The following ERFL variants were observed in gnomAD, a reference collection of about 807,000 sequenced individuals.
ERFL encodes the protein ETS domain-containing transcription factor ERF-like.
In ERFL, 8 loss-of-function variants were observed where a neutral mutation model predicts 27.9. That is an observed-to-expected ratio of 0.29 (90% CI 0.17 to 0.52). ERFL has a LOEUF of 0.52. ERFL is among the 20% of genes least tolerant of loss of function. The pLI, the probability that ERFL is intolerant of heterozygous loss-of-function variation, is 0.97. For synonymous variants in ERFL, 174 were observed against 202.8 expected, an observed-to-expected ratio of 0.86 and a Z score of 1.21; for missense variants, 294 against 444.4, an observed-to-expected ratio of 0.66 and a Z score of 3.04.
rs575897184 is a variant in ERFL at position 41,907,728 on chromosome 19, T to C, written c.*500A>G. ...GTCTCACTCTCTGTTCTTTTATTTC[T>C]GTAGTAAACTCTCTGGAGGTGACTG... On this transcript the variant is annotated 3_prime_UTR_variant, in exon 6 of 6. Coordinates refer to ENST00000597630, the MANE Select transcript of ERFL (RefSeq NM_001365103.2). 1.3e-5 allele frequency: 3 copies of C among 236,998 alleles called. No individual in the cohort carries two copies. The highest frequency in any genetic ancestry group is 2.4e-5 in the Non-Finnish European group (3 of 122,892). 14.7% of individuals were successfully genotyped at this position (236,998 alleles called of 1,614,324 possible).
intron 1 of ERFL, among the ~76,000 whole-genome samples, chr19:41,919,495 G>A (rs904514723): frequency 3.4e-5 from 5 of 147,488 alleles, no homozygotes; most frequent in Admixed American, 1.3e-4. Context: ...TACCACCCAC[G>A]TGTGCACGTG....
rs1568831580 is a variant in ERFL at position 41,914,574 on chromosome 19, C to CCCTCCCCTTCCACCATCTCT, written c.-13-1643_-13-1642insAGAGATGGTGGAAGGGGAGG. The stretch of plus-strand genomic sequence containing the variant: ...CCTCCCCTTCCACCATCTCTGTCTC[C>CCCTCCCCTTCCACCATCTCT]GTCTCTCCCTCCCTTTCCACCATCT... On this transcript the variant is annotated intron_variant, in intron 1 of 5. Coordinates refer to ENST00000597630, the MANE Select transcript of ERFL (RefSeq NM_001365103.2). Among the ~76,000 whole-genome samples the CCCTCCCCTTCCACCATCTCT allele has an allele frequency of 8.4e-4, 15 of 17,938 alleles. 3 individuals carry two copies. Among genetic ancestry groups the CCCTCCCCTTCCACCATCTCT allele is most frequent in the South Asian group, 3.8e-3 (1 of 266 alleles). 11.8% of individuals were successfully genotyped at this position (17,938 alleles called of 152,430 possible). A position where few individuals can be genotyped will look rare whatever the true frequency, so the allele number is the denominator to read the frequency against.
Position 41,908,930 on chromosome 19 carries a change from C to G in ERFL, c.616+130G>C. ...ATCACATCCTTTTCTGGGTTTTACA[C>G]ACACACACCCTACAACCTGGCCCTG... On this transcript the variant is annotated intron_variant, in intron 5 of 5. Coordinates refer to ENST00000597630, the MANE Select transcript of ERFL (RefSeq NM_001365103.2). This position sits in a 1 kb window ranked among gnomAD's most constrained non-coding sequence, Gnocchi z 6.7. 1.8e-6 allele frequency: 1 copy of G among 543,334 alleles called. No homozygotes were observed. 33.7% of individuals were successfully genotyped at this position (543,334 alleles called of 1,614,324 possible).
chr19:41,920,713 GCA>G (rs2074837068), intron 1 of ERFL, among the ~76,000 whole-genome samples: 2 of 152,164 alleles, frequency 1.3e-5, no homozygotes, highest in African/African-American at 2.4e-5. Context: ...GTGCACATGC[GCA>G]CACACACACT....
chr19:41,923,431 A>G (rs1555852851), intron 1 of ERFL, among the ~76,000 whole-genome samples: 2 of 151,648 alleles, frequency 1.3e-5, no homozygotes, highest in South Asian at 4.2e-4. Context: ...AGAGAAATAC[A>G]GAGAACAAAG....
chr19:41,922,677 G>A (rs1048158594), intron 1 of ERFL, among the ~76,000 whole-genome samples: 2 of 152,104 alleles, frequency 1.3e-5, no homozygotes, highest in African/African-American at 4.8e-5. Flanking sequence ...GTGGGCTGAG[G>A]CTGGAGCTGG....
chr19:41,921,016 G>T lies in ERFL; in HGVS notation c.-14+7024C>A, dbSNP rs1555852438. 6.6e-6 allele frequency among the ~76,000 whole-genome samples: 1 copy of T among 152,236 alleles called. No individual in the cohort carries two copies. The highest frequency in any genetic ancestry group is 2.4e-5 in the African/African-American group (1 of 41,462). On this transcript the variant is annotated intron_variant, in intron 1 of 5. Transcript: ENST00000597630. This position sits in a 1 kb window ranked among gnomAD's most constrained non-coding sequence, Gnocchi z 4.4. ...GTCTCCGCACGATGTCCCTGGGGCT[G>T]CGGACAGCAGCGCTCCGAATGGTGT...
chr19:41,911,312 C>T (rs2074750042), intron 2 of ERFL, among the ~76,000 whole-genome samples: 1 of 152,218 alleles, frequency 6.6e-6, no homozygotes, highest in Non-Finnish European at 1.5e-5. Context: ...TGTCCCCTTC[C>T]CCCTCCTCAG....
chr19:41,916,148 C>T lies in ERFL; in HGVS notation c.-13-3216G>A, dbSNP rs2074800221. Reference sequence around the variant, plus strand: ...CCCTTCTCTCCCTGCCAAGCACAACCACACAGACCCACACACCAACCCAGG... The same window carrying T: ...CCCTTCTCTCCCTGCCAAGCACAACTACACAGACCCACACACCAACCCAGG... On this transcript the variant is annotated intron_variant, in intron 1 of 5. Coordinates refer to ENST00000597630, the MANE Select transcript of ERFL (RefSeq NM_001365103.2). The surrounding 1 kb of genome is among the most constrained non-coding windows in gnomAD (Gnocchi z 5.4). Among the ~76,000 whole-genome samples, 2 of 152,096 alleles carry T rather than the reference C, an allele frequency of 1.3e-5. No homozygotes were observed. Among genetic ancestry groups the T allele is most frequent in the African/African-American group, 4.8e-5 (2 of 41,382 alleles).
intron 1 of ERFL, among the ~76,000 whole-genome samples, chr19:41,920,122 C>T (rs1442120743): frequency 1.3e-4 from 15 of 114,928 alleles, no homozygotes; most frequent in Admixed American, 8.5e-4. Flanking sequence ...ACATGACACG[C>T]TCACACATGC....
At position 41,921,246 on chromosome 19, in the gene ERFL, G is replaced by T. The variant is rs2074840574; in HGVS notation, c.-14+6794C>A. 6.6e-6 allele frequency among the ~76,000 whole-genome samples: 1 copy of T among 152,128 alleles called. No homozygotes were observed. Among genetic ancestry groups the T allele is most frequent in the African/African-American group, 2.4e-5 (1 of 41,418 alleles). On this transcript the variant is annotated intron_variant, in intron 1 of 5. Transcript: ENST00000597630. This position sits in a 1 kb window ranked among gnomAD's most constrained non-coding sequence, Gnocchi z 4.4. The stretch of plus-strand genomic sequence containing the variant: ...ACCCAGAGAGATGGAGGAACTGGAG[G>T]TTGGGGTGGGGGGCACAGAGAAGGG...
Position 41,916,429 on chromosome 19 carries a change from ACAT to A in ERFL, c.-13-3500_-13-3498del, listed in dbSNP as rs2145896148. Among the ~76,000 whole-genome samples the A allele has an allele frequency of 1.3e-5, 2 of 152,218 alleles. No individual in the cohort carries two copies. Among genetic ancestry groups the A allele is most frequent in the South Asian group, 4.1e-4 (2 of 4,828 alleles). ...AACACTGTCACAGTCACACACACAC[ACAT>A]CAGCATAGTCACAGATGCACAGAAA... On this transcript the variant is annotated intron_variant, in intron 1 of 5. Transcript: ENST00000597630. The surrounding 1 kb of genome is among the most constrained non-coding windows in gnomAD (Gnocchi z 5.4).
intron 1 of ERFL, among the ~76,000 whole-genome samples, chr19:41,914,546 T>C (rs112399906): frequency 0.026 from 3,068 of 118,288 alleles, 101 homozygotes; most frequent in African/African-American, 0.054. Context: ...CTATCCGTCT[T>C]TCCCTCCCCT....
In ERFL at chr19:41,910,420, G is replaced by T. The variant is rs1233906760; in HGVS notation, c.68-323C>A. Among the ~76,000 whole-genome samples, 1 of 152,050 alleles carries T rather than the reference G, an allele frequency of 6.6e-6. No individual in the cohort carries two copies. Among genetic ancestry groups the T allele is most frequent in the Non-Finnish European group, 1.5e-5 (1 of 67,998 alleles). On this transcript the variant is annotated intron_variant, in intron 2 of 5. Coordinates refer to ENST00000597630, the MANE Select transcript of ERFL (RefSeq NM_001365103.2). This position sits in a 1 kb window ranked among gnomAD's most constrained non-coding sequence, Gnocchi z 4.4. ...GCACCCATGACAGTGAGGAGGAATG[G>T]GGAGGGGCACCCGCCTCCAACAGCG...
Position 41,917,052 on chromosome 19 carries a change from T to G in ERFL, c.-13-4120A>C, listed in dbSNP as rs2074805874. On this transcript the variant is annotated intron_variant, in intron 1 of 5. Coordinates refer to ENST00000597630, the MANE Select transcript of ERFL (RefSeq NM_001365103.2). This position sits in a 1 kb window ranked among gnomAD's most constrained non-coding sequence, Gnocchi z 4.8. ...CACATATGTGACACGTGCCCTTGTC[T>G]CAGACCTGCTTCTGTGACTGCCTCT... Among the ~76,000 whole-genome samples the G allele has an allele frequency of 6.6e-6, 1 of 152,180 alleles. No individual in the cohort carries two copies. Among genetic ancestry groups the G allele is most frequent in the South Asian group, 2.1e-4 (1 of 4,828 alleles).
chr19:41,923,926 G>T (rs1555853024), intron 1 of ERFL, among the ~76,000 whole-genome samples: 1 of 69,996 alleles, frequency 1.4e-5, no homozygotes, highest in Admixed American at 1.3e-4. Flanking sequence ...GGGTGTGTGT[G>T]GGGAGGTAGG....
chr19:41,926,689 C>A (rs1370600529), intron 1 of ERFL, among the ~76,000 whole-genome samples: 1 of 151,094 alleles, frequency 6.6e-6, no homozygotes, highest in Non-Finnish European at 1.5e-5. Flanking sequence ...ATGCGGAGCG[C>A]GTCTGGGCCG....
rs375327365 is a variant in ERFL, at chr19:41,921,530, C to A, written c.-14+6510G>T. Among the ~76,000 whole-genome samples the A allele has an allele frequency of 8.1e-5, 12 of 147,920 alleles. No individual in the cohort carries two copies. In the South Asian group the frequency reaches 2.5e-3, roughly 31 times the overall value. ...ACAGAGAGACAGGCAGGGGGAGATC[C>A]GAGGTGGGGAAACACGGCAGAAGGA... is the stretch of plus-strand genomic sequence containing the variant. On this transcript the variant is annotated intron_variant, in intron 1 of 5. Coordinates refer to ENST00000597630, the MANE Select transcript of ERFL (RefSeq NM_001365103.2). This position sits in a 1 kb window ranked among gnomAD's most constrained non-coding sequence, Gnocchi z 4.4.
intron 1 of ERFL, among the ~76,000 whole-genome samples, chr19:41,919,710 G>A (rs992959948): frequency 2.0e-5 from 3 of 152,050 alleles, no homozygotes; most frequent in African/African-American, 4.8e-5. Flanking sequence ...CCCAGCTGCC[G>A]GGGTCCTCTC....
Sources: allele counts gnomAD v4.1 joint callset (sites outside exome capture counted in the v4.1 genomes callset), GRCh38; gene constraint gnomAD v4.1.1; non-coding constraint Gnocchi (gnomAD v3.1); transcripts MANE v1.5; gene names NCBI Gene and HGNC (gene_info 2026-07-23, HGNC 2026-07-21).